ITGA3: variants seen among roughly 807,000 people sequenced by gnomAD.
ITGA3 encodes the protein integrin subunit alpha 3, also known as integrin alpha-3.
ITGA3 carries 70 observed loss-of-function variants against 131.1 expected under a neutral mutation model. The observed-to-expected ratio is 0.53, with a 90% CI of 0.44 to 0.65. The LOEUF (loss-of-function observed/expected upper bound fraction) is 0.65. Ranked by LOEUF, ITGA3 falls within the 30% of genes least tolerant of loss-of-function variation. The probability of loss-of-function intolerance (pLI) is 0.00; values close to 1 mark genes in which losing one functional copy is unlikely to be tolerated. For missense variants in ITGA3, 1,098 were observed against 1,388.6 expected (o/e 0.79, Z 3.33); for synonymous variants, 537 against 571.6 (o/e 0.94, Z 0.86).
chr17:50,080,697 C>T (rs1909152734), intron 22 of ITGA3, among the ~76,000 whole-genome samples: 1 of 152,114 alleles, frequency 6.6e-6, no homozygotes, highest in Admixed American at 6.6e-5. Flanking sequence ...TTTTCAAGGT[C>T]CCTGTCAGAT....
In ITGA3 at chr17:50,064,308, C is replaced by T. The variant is rs777023833; in HGVS notation, c.334+104C>T. On this transcript the variant is annotated intron_variant, in intron 2 of 25. Transcript: ENST00000320031. The surrounding 1 kb of genome is among the most constrained non-coding windows in gnomAD (Gnocchi z 4.4). Reference sequence around the variant, plus strand: ...GATAGAAGGCTTGTTCACACGGCTTCTAGTCGCTTCTTGTCCAGCTGGGAA... The same window carrying T: ...GATAGAAGGCTTGTTCACACGGCTTTTAGTCGCTTCTTGTCCAGCTGGGAA... 1.9e-5 allele frequency: 27 copies of T among 1,429,488 alleles called. No individual in the cohort carries two copies. The highest frequency in any genetic ancestry group is 2.6e-5 in the Non-Finnish European group (27 of 1,054,034). The allele number at this position is 1,429,488 out of a possible 1,614,324, so 88.6% of individuals were successfully genotyped here.
At position 50,076,570 on chromosome 17, in the gene ITGA3, C is replaced by T. The variant is rs750936873; in HGVS notation, c.1825-14C>T. 7.4e-6 allele frequency: 12 copies of T among 1,611,684 alleles called. No individual in the cohort carries two copies. Among genetic ancestry groups the T allele is most frequent in the Non-Finnish European group, 1.0e-5 (12 of 1,179,348 alleles). On this transcript the variant is annotated splice_polypyrimidine_tract_variant and intron_variant, in intron 13 of 25. Transcript: ENST00000320031. ...GGGGGTGGTGCGGCCTTCACACCTC[C>T]GGCCACCCCCCAGGTCCAGTTCCAG...
intron 23 of ITGA3, among the ~76,000 whole-genome samples, chr17:50,082,340 G>A (rs548894688): frequency 2.0e-5 from 3 of 152,106 alleles, no homozygotes; most frequent in East Asian, 1.9e-4. Flanking sequence ...CACCACGCCC[G>A]GCTAATTTTT....
chr17:50,077,454 A>T lies in ITGA3; in HGVS notation c.2139+7A>T. 6.2e-7 allele frequency: 1 copy of T among 1,608,612 alleles called. No homozygotes were observed. Among genetic ancestry groups the T allele is most frequent in the Non-Finnish European group, 8.5e-7 (1 of 1,175,280 alleles). ...CTTCAAACGGAACCAGAGGGTGAGC[A>T]CCGGCCACATCCTCCCAGTCCTCCT... On this transcript the variant is annotated splice_region_variant and intron_variant, in intron 16 of 25. Coordinates refer to ENST00000320031, the MANE Select transcript of ITGA3 (RefSeq NM_002204.4).
Position 50,079,570 on chromosome 17 carries a change from G to A in ITGA3, c.2706+13G>A. 1.3e-6 allele frequency: 2 copies of A among 1,513,338 alleles called. No individual in the cohort carries two copies. The highest frequency in any genetic ancestry group is 8.8e-7 in the Non-Finnish European group (1 of 1,130,720). 93.7% of individuals were successfully genotyped at this position (1,513,338 alleles called of 1,614,324 possible). ...TGAGACTGTGCTGGTGAGTGGCCAG[G>A]GCGAGGTTGGAGGGGATTGCATCCA... On this transcript the variant is annotated intron_variant, in intron 21 of 25. Transcript: ENST00000320031.
rs757198429 is a variant in ITGA3, at chr17:50,064,551, G to A, written c.358G>A (p.Glu120Lys). 3.7e-6 allele frequency: 6 copies of A among 1,613,100 alleles called. No homozygotes were observed. The highest frequency in any genetic ancestry group is 4.2e-6 in the Non-Finnish European group (5 of 1,179,808). ...AGATGACCCTGGCCATCACATTATT[G>A]AGGACATGTGGCTTGGAGTGACTGT... is the stretch of plus-strand genomic sequence containing the variant. ...VKNDPGHHII[E>K]DMWLGVTVAS... Residue 120 changes from glutamate to lysine, a missense_variant, in exon 3 of 26, where the codon GAG becomes AAG. Physicochemically the swap from Glu to Lys is moderately conservative, Grantham distance 56 (BLOSUM62 1). Around this residue, in one of 3 missense-constraint regions of ITGA3, gnomAD observed 356 missense variants for 529.2 expected, o/e 0.67. Coordinates refer to ENST00000320031, the MANE Select transcript of ITGA3 (RefSeq NM_002204.4). The surrounding 1 kb of genome is among the most constrained non-coding windows in gnomAD (Gnocchi z 4.4).
intron 23 of ITGA3, among the ~76,000 whole-genome samples, chr17:50,081,998 A>G (rs187053085): frequency 6.6e-6 from 1 of 152,022 alleles, no homozygotes; most frequent in African/African-American, 2.4e-5. Flanking sequence ...AGCAATGGAA[A>G]AGCTATTATT....
At chr17:50,069,308 T>A (rs1024210940) in intron 4 of ITGA3, among the ~76,000 whole-genome samples, 1 of 152,192 alleles carries the variant, frequency 6.6e-6, no homozygotes, top group African/African-American at 2.4e-5. Context: ...ATTTACAAAC[T>A]AATTCTAAAA....
At chr17:50,077,178 C>T in intron 15 of ITGA3, 57 bp downstream of exon 15, 1 of 1,486,168 alleles carries the variant, frequency 6.7e-7, no homozygotes, top group Non-Finnish European at 9.0e-7. Context: ...TCTTTGCATC[C>T]CCATATCCAT....
At chr17:50,080,905 T>C (rs1053494600) in intron 22 of ITGA3, among the ~76,000 whole-genome samples, 7 of 152,162 alleles carry the variant, frequency 4.6e-5, no homozygotes, top group Non-Finnish European at 7.4e-5. Flanking sequence ...AGAAATCTTT[T>C]CAACTTGGCG....
At chr17:50,076,731 C>T (rs780109339) in intron 14 of ITGA3, 50 bp downstream of exon 14, 2 of 1,348,980 alleles carry the variant, frequency 1.5e-6, no homozygotes, top group East Asian at 2.3e-5. Context: ...GGGACGGGGC[C>T]TCATTAACTG....
At chr17:50,076,496 G>T in intron 13 of ITGA3, 21 bp downstream of exon 13, 3 of 1,607,564 alleles carry the variant, frequency 1.9e-6, no homozygotes, top group Non-Finnish European at 2.5e-6. Context: ...CTGGCGCCTG[G>T]ACTGGAAGAC....
chr17:50,085,773 C>T (rs377051563), intron 23 of ITGA3, among the ~76,000 whole-genome samples: 3 of 47,048 alleles, frequency 6.4e-5, no homozygotes, highest in Non-Finnish European at 1.9e-4. Flanking sequence ...TTAGATTATA[C>T]ATTATAGATT....
chr17:50,079,465 C>A lies in ITGA3; in HGVS notation c.2614C>A (p.Arg872Ser). The change falls in exon 21 of 26, where the codon CGC becomes AGC. Residue 872 changes from arginine (R) to serine (S), a missense_variant. Arg to Ser is a moderately radical substitution (Grantham distance 110, BLOSUM62 -1). This residue lies in a region of ITGA3 where 699 missense variants were observed against 829.2 expected (regional missense o/e 0.84). Coordinates refer to ENST00000320031, the MANE Select transcript of ITGA3 (RefSeq NM_002204.4). ...TGGGGACAGGCCATCATCCCCACAGCGCAGGCGGCGACAGCTGGATCCAGG... is the reference window on the plus strand; with the variant it reads ...TGGGGACAGGCCATCATCCCCACAGAGCAGGCGGCGACAGCTGGATCCAGG... ...DPGDRPSSPQ[R>S]RRRQLDPGGG... 6.3e-7 allele frequency: 1 copy of A among 1,577,110 alleles called. No individual in the cohort carries two copies. The highest frequency in any genetic ancestry group is 1.2e-5 in the South Asian group (1 of 85,922).
At position 50,089,096 on chromosome 17, in the gene ITGA3, C is replaced by G. The variant is rs747758147; in HGVS notation, c.*32-14C>G. On this transcript the variant is annotated splice_polypyrimidine_tract_variant and intron_variant, in intron 25 of 25. Transcript: ENST00000320031. ...TGGATGCTAATGTTCTTTCTCTTCTCCCTCCAACTCCAGTGTGACTTCTTT... is the reference window on the plus strand; with the variant it reads ...TGGATGCTAATGTTCTTTCTCTTCTGCCTCCAACTCCAGTGTGACTTCTTT... 13 of 1,607,638 alleles carry G rather than the reference C, an allele frequency of 8.1e-6. No individual in the cohort carries two copies. Among genetic ancestry groups the G allele is most frequent in the South Asian group, 1.1e-5 (1 of 90,960 alleles).
chr17:50,084,572 T>A (rs1909309067), intron 23 of ITGA3, among the ~76,000 whole-genome samples: 1 of 152,082 alleles, frequency 6.6e-6, no homozygotes, highest in Non-Finnish European at 1.5e-5. Flanking sequence ...TCAGAAGAGA[T>A]TAGGCTGATC....
chr17:50,074,430 G>T lies in ITGA3; in HGVS notation c.1383-18G>T. 6.2e-7 allele frequency: 1 copy of T among 1,612,870 alleles called. No homozygotes were observed. On this transcript the variant is annotated intron_variant, in intron 9 of 25. Transcript: ENST00000320031. ...GGCAGGAGGCACTGATATCTGTCTG[G>T]CTCTGTTGTCTCTGCAGGGCCCGGC...
intron 23 of ITGA3, chr17:50,086,205 G>T (rs113962746): frequency 7.9e-3 from 10 of 1,262 alleles, no homozygotes; most frequent in Non-Finnish European, 0.058. Context: ...TATTATACAT[G>T]TATAATATAT....
At chr17:50,088,398 C>T in intron 25 of ITGA3, 32 bp downstream of exon 25, 1 of 1,222,356 alleles carries the variant, frequency 8.2e-7, no homozygotes, top group Non-Finnish European at 1.2e-6. Flanking sequence ...CTTCCCCGAG[C>T]CCCACAGCTG....
Sources: allele counts gnomAD v4.1 joint callset (sites outside exome capture counted in the v4.1 genomes callset), GRCh38; gene constraint gnomAD v4.1.1; regional missense constraint gnomAD v4.1.1; non-coding constraint Gnocchi (gnomAD v3.1); transcripts MANE v1.5; gene names NCBI Gene and HGNC (gene_info 2026-07-23, HGNC 2026-07-21).